Variants in CNBD2 observed in about 807,000 individuals in gnomAD.
The protein encoded by CNBD2 is cyclic nucleotide-binding domain-containing protein 2.
CNBD2 carries 64 observed loss-of-function variants against 63.7 expected under a neutral mutation model. That is an observed-to-expected ratio of 1.00 (90% CI 0.82 to 1.24). CNBD2 has a LOEUF of 1.24. Among genes scored for constraint, CNBD2 ranks in the 50% most tolerant of loss-of-function variants. CNBD2 has a pLI of 0.00. For missense variants in CNBD2, 691 were observed against 713.5 expected, an observed-to-expected ratio of 0.97 and a Z score of 0.36; for synonymous variants, 229 against 255.4, an observed-to-expected ratio of 0.90 and a Z score of 0.99.
At chr20:35,994,724 A>G (rs1179160446) in intron 7 of CNBD2, among the ~76,000 whole-genome samples, 1 of 151,792 alleles carries the variant, frequency 6.6e-6, no homozygotes, top group Non-Finnish European at 1.5e-5. Flanking sequence ...CCCCGTCTCT[A>G]CTAAAAATAC....
chr20:36,000,667 TTG>T (rs2056883851), intron 8 of CNBD2, among the ~76,000 whole-genome samples: 1 of 150,894 alleles, frequency 6.6e-6, no homozygotes. Context: ...TCAAGTATTC[TTG>T]TGCCTCAGCC....
intron 10 of CNBD2, among the ~76,000 whole-genome samples, chr20:36,017,371 G>A (rs2057149241): frequency 6.6e-6 from 1 of 152,044 alleles, no homozygotes; most frequent in African/African-American, 2.4e-5. Flanking sequence ...TTGTCCTTAT[G>A]CCATTCTCCC....
intron 10 of CNBD2, among the ~76,000 whole-genome samples, chr20:36,013,365 C>A (rs1264915804): frequency 6.6e-6 from 1 of 151,980 alleles, no homozygotes; most frequent in East Asian, 1.9e-4. Flanking sequence ...TTGCAGTGAG[C>A]AGAGATCGCG....
chr20:35,979,206 C>T (rs1440317611), intron 3 of CNBD2, among the ~76,000 whole-genome samples: 1 of 152,064 alleles, frequency 6.6e-6, no homozygotes, highest in Non-Finnish European at 1.5e-5. Context: ...TTCCCTTTTC[C>T]CCATCCCAGA....
At chr20:36,007,053 G>A (rs2056994529) in intron 8 of CNBD2, among the ~76,000 whole-genome samples, 1 of 152,072 alleles carries the variant, frequency 6.6e-6, no homozygotes, top group Non-Finnish European at 1.5e-5. Flanking sequence ...GCTGGGCGTG[G>A]TGGTGGGCGC....
chr20:36,025,213 G>A (rs924711144), intron 11 of CNBD2, among the ~76,000 whole-genome samples: 1 of 152,142 alleles, frequency 6.6e-6, no homozygotes, highest in Admixed American at 6.6e-5. Flanking sequence ...ACACTTACCC[G>A]AGAGAAACCT....
intron 8 of CNBD2, among the ~76,000 whole-genome samples, chr20:35,997,429 C>T (rs1474189585): frequency 1.3e-5 from 2 of 152,166 alleles, no homozygotes; most frequent in Non-Finnish European, 1.5e-5. Context: ...AGCTGGGTAG[C>T]TTTGGTGAGT....
chr20:35,989,671 T>C (rs1414305374), intron 7 of CNBD2, among the ~76,000 whole-genome samples: 6 of 152,136 alleles, frequency 3.9e-5, no homozygotes. Context: ...ATAGTAATTA[T>C]TACAAATTAG....
At chr20:36,009,630 G>A (rs1219428856) in intron 9 of CNBD2, among the ~76,000 whole-genome samples, 5 of 152,070 alleles carry the variant, frequency 3.3e-5, no homozygotes, top group Admixed American at 2.0e-4. Context: ...TCAGGAGTTC[G>A]TGACCAGCCT....
At chr20:35,997,728 T>C (rs2056843950) in intron 8 of CNBD2, among the ~76,000 whole-genome samples, 1 of 151,326 alleles carries the variant, frequency 6.6e-6, no homozygotes, top group South Asian at 2.1e-4. Context: ...ATGTTTGTTA[T>C]CATTACCACA....
At chr20:36,023,910 G>A in intron 11 of CNBD2, 139 bp downstream of exon 11, 1 of 646,312 alleles carries the variant, frequency 1.5e-6, no homozygotes, top group Non-Finnish European at 2.6e-6. Flanking sequence ...GTACACTCTA[G>A]ATAGGCTCAA....
Position 36,017,855 on chromosome 20 carries a change from C to G in CNBD2, c.1270-5747C>G, listed in dbSNP as rs189438213. On this transcript the variant is annotated intron_variant, in intron 10 of 11. Transcript: ENST00000373973. ...CTGCCCCACCTCTGCGCCCACACACCGCTCCTCCTGCCACTCAGCTCTGTC... is the reference window on the plus strand; with the variant it reads ...CTGCCCCACCTCTGCGCCCACACACGGCTCCTCCTGCCACTCAGCTCTGTC... 2.9e-3 allele frequency among the ~76,000 whole-genome samples: 449 copies of G among 152,294 alleles called. 5 individuals are homozygous for G. The highest frequency in any genetic ancestry group is 0.011 in the East Asian group (59 of 5,180).
chr20:35,954,431 G>A, upstream of CNBD2: 1 of 1,550,188 alleles, frequency 6.5e-7, no homozygotes, highest in Non-Finnish European at 8.7e-7. Context: ...GACCGGCCGA[G>A]AGTGTGCGGA....
chr20:35,960,555 G>T (rs1016973982), intron 2 of CNBD2, among the ~76,000 whole-genome samples: 1 of 152,148 alleles, frequency 6.6e-6, no homozygotes, highest in African/African-American at 2.4e-5. Context: ...GTCTCGCTAT[G>T]TTGCCCAGGC....
intron 8 of CNBD2, among the ~76,000 whole-genome samples, chr20:35,996,334 T>C (rs1470296462): frequency 6.6e-6 from 1 of 152,156 alleles, no homozygotes; most frequent in Non-Finnish European, 1.5e-5. Flanking sequence ...GGCTGCTGTG[T>C]GTGGTTTGGA....
intron 7 of CNBD2, among the ~76,000 whole-genome samples, chr20:35,992,846 T>C (rs1017449598): frequency 6.6e-6 from 1 of 151,744 alleles, no homozygotes; most frequent in Non-Finnish European, 1.5e-5. Context: ...CAGCGTTTTT[T>C]GAGTGTTCAT....
chr20:36,014,182 C>CAAAAAAA (rs1398212585), intron 10 of CNBD2, among the ~76,000 whole-genome samples: 1 of 94,886 alleles, frequency 1.1e-5, no homozygotes, highest in African/African-American at 4.8e-5. Context: ...GACTCCATCT[C>CAAAAAAA]AAAAAAAAAA....
intron 10 of CNBD2, among the ~76,000 whole-genome samples, chr20:36,012,959 G>A (rs1454954137): frequency 1.3e-5 from 2 of 152,116 alleles, no homozygotes; most frequent in Admixed American, 6.6e-5. Context: ...GGTTGCAAGA[G>A]GTTTGGAGTT....
intron 4 of CNBD2, 130 bp from the exon 5 acceptor site, chr20:35,983,852 T>C (rs1243835501): frequency 9.8e-7 from 1 of 1,019,666 alleles, no homozygotes; most frequent in African/African-American, 1.6e-5. Flanking sequence ...TGGGCTGTCC[T>C]GAGGGCCCTT....
Sources: allele counts gnomAD v4.1 joint callset (sites outside exome capture counted in the v4.1 genomes callset), GRCh38; gene constraint gnomAD v4.1.1; transcripts MANE v1.5; gene names NCBI Gene and HGNC (gene_info 2026-07-23, HGNC 2026-07-21).